Variants in METTL25 observed in about 807,000 individuals in gnomAD.
METTL25 encodes probable methyltransferase-like protein 25.
Under a neutral mutation model 71.6 loss-of-function variants are expected in METTL25, and 64 were observed. The ratio of observed to expected loss-of-function variants is 0.89; its 90% confidence interval spans 0.73 to 1.10. The LOEUF (loss-of-function observed/expected upper bound fraction) is 1.10. Among genes scored for constraint, METTL25 ranks in the 50% least tolerant of loss-of-function variants. METTL25 has a pLI of 0.00. For missense variants in METTL25, 807 were observed against 707.0 expected (o/e 1.14, Z -1.60); for synonymous variants, 287 against 250.3 (o/e 1.15, Z -1.38).
intron 9 of METTL25, among the ~76,000 whole-genome samples, chr12:82,471,195 T>G (rs1892549179): frequency 6.6e-6 from 1 of 152,214 alleles, no homozygotes. Flanking sequence ...TGATGCAACA[T>G]GCATAAACCT....
rs2137292576 is a variant in METTL25, at chr12:82,468,087, C to T, written c.1573-8557C>T. 1.3e-5 allele frequency among the ~76,000 whole-genome samples: 2 copies of T among 152,032 alleles called. 1 individual carries two copies. Among genetic ancestry groups the T allele is most frequent in the South Asian group, 4.2e-4 (2 of 4,796 alleles). On this transcript the variant is annotated intron_variant, in intron 9 of 11. Coordinates refer to ENST00000248306, the MANE Select transcript of METTL25 (RefSeq NM_032230.3). ...AAGTCCTTTCCTACACCAGCATTCT[C>T]AAAGTCTGTATGATTTTTCTAACCT... is the stretch of plus-strand genomic sequence containing the variant.
At chr12:82,462,522 G>T (rs1310797600) in intron 9 of METTL25, among the ~76,000 whole-genome samples, 2 of 151,950 alleles carry the variant, frequency 1.3e-5, no homozygotes, top group African/African-American at 4.8e-5. Context: ...AAATATACAT[G>T]TCTATAACAT....
At chr12:82,416,245 A>G (rs1168027489) in intron 5 of METTL25, among the ~76,000 whole-genome samples, 1 of 152,126 alleles carries the variant, frequency 6.6e-6, no homozygotes, top group Non-Finnish European at 1.5e-5. Flanking sequence ...CATAAACATT[A>G]TCTTTTTAAG....
rs111982254 is a variant in METTL25, at chr12:82,366,273, T to A, written c.259+7449T>A. Among the ~76,000 whole-genome samples, 594 of 152,306 alleles carry A rather than the reference T, an allele frequency of 3.9e-3. 3 individuals are homozygous for A. Among genetic ancestry groups the A allele is most frequent in the African/African-American group, 0.014 (567 of 41,558 alleles). ...TAATGTTATTTAAATTAGCTGGGGATAGCCTAATGAACTCTCAGGAATTCC... is the reference window on the plus strand; with the variant it reads ...TAATGTTATTTAAATTAGCTGGGGAAAGCCTAATGAACTCTCAGGAATTCC... On this transcript the variant is annotated intron_variant, in intron 1 of 11. Transcript: ENST00000248306.
intron 3 of METTL25, among the ~76,000 whole-genome samples, chr12:82,395,098 G>A (rs1319124125): frequency 2.0e-5 from 3 of 151,922 alleles, no homozygotes; most frequent in Non-Finnish European, 2.9e-5. Context: ...GGAGCCACTG[G>A]ATCATTCTTT....
intron 5 of METTL25, among the ~76,000 whole-genome samples, chr12:82,427,312 C>T (rs1889109526): frequency 6.6e-6 from 1 of 151,906 alleles, no homozygotes; most frequent in Admixed American, 6.6e-5. Context: ...CCCCAAAACT[C>T]AATGGCTTAT....
intron 3 of METTL25, among the ~76,000 whole-genome samples, chr12:82,391,964 G>A (rs1885629645): frequency 6.6e-6 from 1 of 150,888 alleles, no homozygotes; most frequent in Non-Finnish European, 1.5e-5. Flanking sequence ...GTTTTTATTT[G>A]CATTTCTCTG....
intron 5 of METTL25, among the ~76,000 whole-genome samples, chr12:82,424,926 G>T (rs1439424458): frequency 6.6e-6 from 1 of 152,052 alleles, no homozygotes; most frequent in Non-Finnish European, 1.5e-5. Context: ...CAGAGGGTCT[G>T]TGGCCTAGCC....
chr12:82,376,296 C>T (rs1314839907), intron 1 of METTL25, among the ~76,000 whole-genome samples: 1 of 152,180 alleles, frequency 6.6e-6, no homozygotes, highest in Non-Finnish European at 1.5e-5. Context: ...TCTTTATCTT[C>T]TAAATTAAAA....
intron 1 of METTL25, among the ~76,000 whole-genome samples, chr12:82,381,519 G>A (rs988004224): frequency 2.0e-5 from 3 of 152,128 alleles, no homozygotes; most frequent in African/African-American, 7.2e-5. Context: ...AAATAGCTTA[G>A]GCAAAATGTT....
At chr12:82,453,644 T>G (rs1891293673) in intron 8 of METTL25, among the ~76,000 whole-genome samples, 1 of 152,164 alleles carries the variant, frequency 6.6e-6, no homozygotes, top group Non-Finnish European at 1.5e-5. Context: ...CTTTGCACTT[T>G]CTGTTACATA....
intron 5 of METTL25, among the ~76,000 whole-genome samples, chr12:82,418,767 A>G (rs970779894): frequency 6.6e-6 from 1 of 152,146 alleles, no homozygotes; most frequent in Non-Finnish European, 1.5e-5. Context: ...AGATAAATGA[A>G]TCCATCATAA....
At chr12:82,426,307 C>A (rs979463080) in intron 5 of METTL25, among the ~76,000 whole-genome samples, 2 of 152,048 alleles carry the variant, frequency 1.3e-5, no homozygotes, top group Non-Finnish European at 2.9e-5. Context: ...GCAAAGGAAA[C>A]TGTTAACGCA....
intron 9 of METTL25, among the ~76,000 whole-genome samples, chr12:82,475,915 T>C (rs1892853097): frequency 6.6e-6 from 1 of 152,134 alleles, no homozygotes; most frequent in African/African-American, 2.4e-5. Context: ...AATGAGCATT[T>C]CCTTTGAATG....
Position 82,478,934 on chromosome 12 carries a change from A to C in METTL25, c.1722A>C (p.Glu574Asp). 1 of 1,609,324 alleles carries C rather than the reference A, an allele frequency of 6.2e-7. No homozygotes were observed. Among genetic ancestry groups the C allele is most frequent in the Non-Finnish European group, 8.5e-7 (1 of 1,176,654 alleles). The change falls in exon 12 of 12, where the codon GAA becomes GAC. Residue 574 changes from glutamate to aspartate, a missense_variant and splice_region_variant. Physicochemically the swap from Glu to Asp is conservative, Grantham distance 45. Transcript: ENST00000248306. Reference sequence around the variant, plus strand: ...CTAAATCACTTATTAATTTACAGGAAGATATTGCATGGTCTGCTCTTGTGA... The same window carrying C: ...CTAAATCACTTATTAATTTACAGGACGATATTGCATGGTCTGCTCTTGTGA... ...LDRLCYLKEQEDIAWSALVKL... is the reference protein window; with the variant it reads ...LDRLCYLKEQDDIAWSALVKL...
chr12:82,419,253 C>G (rs1215249523), intron 5 of METTL25, among the ~76,000 whole-genome samples: 1 of 151,932 alleles, frequency 6.6e-6, no homozygotes, highest in Non-Finnish European at 1.5e-5. Context: ...AAGCAAGCAC[C>G]AGGATTTAAG....
intron 1 of METTL25, among the ~76,000 whole-genome samples, chr12:82,362,873 AT>A (rs1882111759): frequency 6.6e-6 from 1 of 152,256 alleles, no homozygotes; most frequent in Non-Finnish European, 1.5e-5. Context: ...TGGCCAGATT[AT>A]TAAAAACAAC....
chr12:82,466,109 A>C (rs1285873319), intron 9 of METTL25, among the ~76,000 whole-genome samples: 1 of 148,678 alleles, frequency 6.7e-6, no homozygotes, highest in African/African-American at 2.5e-5. Flanking sequence ...CTCTGATCTT[A>C]ATTTTTTTCC....
At position 82,478,284 on chromosome 12, in the gene METTL25, T is replaced by G. The variant is rs533854747; in HGVS notation, c.1720-648T>G. On this transcript the variant is annotated intron_variant, in intron 11 of 11. Transcript: ENST00000248306. ...TAAGCAAAACAATGTGCACAAAGATTAATAGGTTGTAATGAAATGATAGAA... is the reference window on the plus strand; with the variant it reads ...TAAGCAAAACAATGTGCACAAAGATGAATAGGTTGTAATGAAATGATAGAA... Among the ~76,000 whole-genome samples, 10 of 151,912 alleles carry G rather than the reference T, an allele frequency of 6.6e-5. 1 individual carries two copies. In the South Asian group the frequency reaches 2.1e-3, roughly 31 times the overall value.
Sources: gnomAD v4.1 joint callset for allele counts (sites outside exome capture counted in the v4.1 genomes callset) on GRCh38, gnomAD v4.1.1 for gene constraint, MANE v1.5 for transcripts, NCBI Gene and HGNC (gene_info 2026-07-23, HGNC 2026-07-21) for gene names.